Variants in PCDH15 observed in about 807,000 individuals in gnomAD.
PCDH15 encodes the protein protocadherin related 15, also known as protocadherin-15.
PCDH15 carries 129 observed loss-of-function variants against 178.5 expected under a neutral mutation model. The observed-to-expected ratio is 0.72, with a 90% CI of 0.63 to 0.84. PCDH15 has a LOEUF of 0.84. Among genes scored for constraint, PCDH15 ranks in the 40% least tolerant of loss-of-function variants. The pLI is 0.00. For synonymous variants in PCDH15, 800 were observed against 732.0 expected, an observed-to-expected ratio of 1.09 and a Z score of -1.50; for missense variants, 2,230 against 2,099.9, an observed-to-expected ratio of 1.06 and a Z score of -1.21.
intron 1 of PCDH15, among the ~76,000 whole-genome samples, chr10:54,734,576 C>T (rs1181828569): frequency 6.6e-6 from 1 of 151,946 alleles, no homozygotes; most frequent in Non-Finnish European, 1.5e-5. Flanking sequence ...CAGATTAAAA[C>T]TTATGATCAC....
chr10:55,200,673 A>T (rs918472082), intron 1 of PCDH15, among the ~76,000 whole-genome samples: 1 of 152,070 alleles, frequency 6.6e-6, no homozygotes, highest in Non-Finnish European at 1.5e-5. Flanking sequence ...TCTCATGTTG[A>T]ATTGAAATTT....
chr10:54,552,000 T>C (rs1188271485), intron 2 of PCDH15, among the ~76,000 whole-genome samples: 1 of 152,114 alleles, frequency 6.6e-6, no homozygotes, highest in Non-Finnish European at 1.5e-5. Flanking sequence ...TGGAAATATT[T>C]GAATTCTACC....
chr10:54,113,650 AC>A (rs2095063612), intron 15 of PCDH15, among the ~76,000 whole-genome samples: 1 of 151,960 alleles, frequency 6.6e-6, no homozygotes, highest in Non-Finnish European at 1.5e-5. Flanking sequence ...ACACACACAC[AC>A]ACACACACGC....
intron 2 of PCDH15, among the ~76,000 whole-genome samples, chr10:55,589,862 G>A (rs1842805377): frequency 6.7e-6 from 1 of 150,224 alleles, no homozygotes; most frequent in African/African-American, 2.4e-5. Flanking sequence ...TACACTGTTG[G>A]TGGGACTGTA....
At chr10:54,104,731 G>C (rs1399188600) in intron 15 of PCDH15, among the ~76,000 whole-genome samples, 3 of 151,750 alleles carry the variant, frequency 2.0e-5, no homozygotes, top group Non-Finnish European at 2.9e-5. Context: ...CAGCTACTCA[G>C]GAGGCTGAGG....
At chr10:55,512,839 C>T (rs867713697) in intron 2 of PCDH15, 6 of 152,096 alleles carry the variant, frequency 3.9e-5, no homozygotes, top group Admixed American at 2.6e-4. Context: ...CAATTTCTTC[C>T]TCCTCTACAG....
At chr10:54,597,820 A>G (rs994889503) in intron 2 of PCDH15, among the ~76,000 whole-genome samples, 22 of 152,286 alleles carry the variant, frequency 1.4e-4, no homozygotes, top group African/African-American at 5.0e-4. Context: ...CTGACCCCAC[A>G]AAACTACAAA....
intron 2 of PCDH15, among the ~76,000 whole-genome samples, chr10:55,134,070 A>C (rs2132080658): frequency 6.6e-6 from 1 of 152,266 alleles, no homozygotes; most frequent in South Asian, 2.1e-4. Context: ...TCATTTTCTT[A>C]AGAATAAAAG....
intron 3 of PCDH15, among the ~76,000 whole-genome samples, chr10:54,463,494 T>G (rs1251028393): frequency 6.6e-6 from 1 of 152,084 alleles, no homozygotes; most frequent in Non-Finnish European, 1.5e-5. Context: ...CCTCAGAAAC[T>G]TTGCACTAAG....
At chr10:54,537,036 T>G (rs2084636156) in intron 2 of PCDH15, among the ~76,000 whole-genome samples, 1 of 133,328 alleles carries the variant, frequency 7.5e-6, no homozygotes, top group Non-Finnish European at 1.5e-5. Context: ...CGTCTCTCTC[T>G]CGCCCAGGCT....
At chr10:54,578,701 T>G (rs2090749122) in intron 2 of PCDH15, among the ~76,000 whole-genome samples, 1 of 152,102 alleles carries the variant, frequency 6.6e-6, no homozygotes, top group African/African-American at 2.4e-5. Context: ...CTCACCCATT[T>G]TTTAGTCCTA....
chr10:54,093,573 G>A (rs1329429886), intron 15 of PCDH15, among the ~76,000 whole-genome samples: 1 of 152,132 alleles, frequency 6.6e-6, no homozygotes, highest in Non-Finnish European at 1.5e-5. Flanking sequence ...GATTATGTGT[G>A]TATATGTGCC....
At chr10:55,321,330 A>C (rs2132299893), upstream of PCDH15, among the ~76,000 whole-genome samples, 1 of 152,272 alleles carries the variant, frequency 6.6e-6, no homozygotes, top group South Asian at 2.1e-4. Flanking sequence ...AAAATGTCCA[A>C]GAAATATGAG....
intron 3 of PCDH15, among the ~76,000 whole-genome samples, chr10:54,456,011 T>C (rs981334102): frequency 3.3e-5 from 5 of 152,110 alleles, no homozygotes; most frequent in Admixed American, 6.5e-5. Flanking sequence ...AGAGGATGTA[T>C]GGAAATGCCT....
intron 1 of PCDH15, among the ~76,000 whole-genome samples, chr10:55,225,133 A>G (rs1436025049): frequency 6.6e-6 from 1 of 151,718 alleles, no homozygotes; most frequent in African/African-American, 2.4e-5. Context: ...TATCTTCACT[A>G]TTTCATAAAC....
intron 1 of PCDH15, among the ~76,000 whole-genome samples, chr10:54,798,124 T>C (rs1423628985): frequency 6.6e-6 from 1 of 152,080 alleles, no homozygotes; most frequent in East Asian, 1.9e-4. Context: ...TTTACACCTC[T>C]GGAATTTCTA....
intron 2 of PCDH15, among the ~76,000 whole-genome samples, chr10:55,031,228 A>AAT (rs1840601437): frequency 1.3e-5 from 2 of 152,202 alleles, no homozygotes; most frequent in Admixed American, 1.3e-4. Context: ...AATACATCAT[A>AAT]ATCTGTGTTG....
At chr10:54,327,878 AT>A (rs1005150743) in intron 7 of PCDH15, among the ~76,000 whole-genome samples, 5 of 152,144 alleles carry the variant, frequency 3.3e-5, no homozygotes, top group Admixed American at 1.3e-4. Context: ...AGAGGAAGGT[AT>A]ATACACCATG....
At chr10:54,965,373 T>C (rs1215225840) in intron 2 of PCDH15, among the ~76,000 whole-genome samples, 1 of 152,054 alleles carries the variant, frequency 6.6e-6, no homozygotes, top group African/African-American at 2.4e-5. Flanking sequence ...ATAAGTCTCA[T>C]GAGATCTGAT....
Sources: gnomAD v4.1 joint callset for allele counts (sites outside exome capture counted in the v4.1 genomes callset) on GRCh38, gnomAD v4.1.1 for gene constraint, MANE v1.5 for transcripts, NCBI Gene and HGNC (gene_info 2026-07-23, HGNC 2026-07-21) for gene names.